The following CSGALNACT1 variants were observed in gnomAD, a reference collection of about 807,000 sequenced individuals.
CSGALNACT1 encodes the protein beta4GalNAcT-1.
A neutral mutation model predicts 51.0 loss-of-function variants in CSGALNACT1; 52 were observed. The ratio of observed to expected loss-of-function variants is 1.02; its 90% CI spans 0.82 to 1.29. CSGALNACT1 has a LOEUF of 1.29. CSGALNACT1 is among the 50% of genes most tolerant of loss of function. CSGALNACT1 has a pLI of 0.00. For synonymous variants in CSGALNACT1, 341 were observed against 254.4 expected (o/e 1.34, Z -3.24); for missense variants, 935 against 679.2 (o/e 1.38, Z -4.19).
intron 3 of CSGALNACT1, among the ~76,000 whole-genome samples, chr8:19,567,912 GT>G (rs2042221083): frequency 3.9e-5 from 6 of 152,166 alleles, no homozygotes; most frequent in Admixed American, 3.9e-4. Context: ...AAAATATAAA[GT>G]ACCTAGAAAT....
intron 1 of CSGALNACT1, among the ~76,000 whole-genome samples, chr8:19,711,999 G>T (rs61393565): frequency 6.6e-6 from 1 of 152,112 alleles, no homozygotes; most frequent in Non-Finnish European, 1.5e-5. Flanking sequence ...ATAATAAGTG[G>T]TGAAGCCGGG....
intron 3 of CSGALNACT1, among the ~76,000 whole-genome samples, chr8:19,580,191 C>A (rs1332827965): frequency 1.3e-5 from 2 of 152,202 alleles, no homozygotes; most frequent in East Asian, 3.8e-4. Context: ...ACTTCCAATG[C>A]AGCCAGAATG....
intron 1 of CSGALNACT1, among the ~76,000 whole-genome samples, chr8:19,740,778 G>C (rs1201282035): frequency 1.3e-5 from 2 of 152,178 alleles, no homozygotes; most frequent in Non-Finnish European, 2.9e-5. Flanking sequence ...GAGGGAGTGG[G>C]AGGTAGGAAG....
intron 3 of CSGALNACT1, among the ~76,000 whole-genome samples, chr8:19,553,372 G>A (rs147591940): frequency 1.4e-4 from 21 of 151,954 alleles, no homozygotes; most frequent in African/African-American, 5.1e-4. Flanking sequence ...TCCAATATGA[G>A]TGAACCAAAA....
At chr8:19,690,837 A>G (rs2061269928) in intron 1 of CSGALNACT1, among the ~76,000 whole-genome samples, 1 of 152,206 alleles carries the variant, frequency 6.6e-6, no homozygotes, top group Non-Finnish European at 1.5e-5. Flanking sequence ...TTTGTTGTTC[A>G]GATGTCTGAG....
intron 1 of CSGALNACT1, among the ~76,000 whole-genome samples, chr8:19,755,456 C>CAAAAAAAAAAGA (rs2065300449): frequency 1.3e-5 from 1 of 74,532 alleles, no homozygotes; most frequent in Non-Finnish European, 2.5e-5. Context: ...TAAAGAAAGA[C>CAAAAAAAAAAGA]AAAAAAAAAA....
intron 3 of CSGALNACT1, among the ~76,000 whole-genome samples, chr8:19,585,950 G>T (rs1202182726): frequency 6.6e-6 from 1 of 152,156 alleles, no homozygotes; most frequent in Admixed American, 6.5e-5. Flanking sequence ...CGATGCCCAG[G>T]CTGGGAACAG....
At chr8:19,697,617 C>T (rs533843409) in intron 1 of CSGALNACT1, among the ~76,000 whole-genome samples, 2 of 152,160 alleles carry the variant, frequency 1.3e-5, no homozygotes, top group South Asian at 2.1e-4. Context: ...AGTGAGTAGC[C>T]CAGAGCCCCC....
At chr8:19,700,142 G>C (rs1412765949) in intron 1 of CSGALNACT1, among the ~76,000 whole-genome samples, 1 of 150,170 alleles carries the variant, frequency 6.7e-6, no homozygotes, top group African/African-American at 2.4e-5. Context: ...AAAAAACTTA[G>C]GTAAGTATTA....
rs533405583 is a variant in CSGALNACT1 at position 19,464,350 on chromosome 8, T to C, written c.635-5708A>G. On this transcript the variant is annotated intron_variant, in intron 4 of 9. Coordinates refer to ENST00000454498, the Ensembl canonical transcript of CSGALNACT1. ...GCACCACTCAAACCCCACATCTCCCTAGCTCAAAGTTCTCGCCAGCATCCC... is the reference window on the plus strand; with the variant it reads ...GCACCACTCAAACCCCACATCTCCCCAGCTCAAAGTTCTCGCCAGCATCCC... Among the ~76,000 whole-genome samples the C allele has an allele frequency of 1.6e-4, 24 of 152,206 alleles. No individual in the cohort carries two copies. In the South Asian group the frequency reaches 4.6e-3, roughly 29 times the overall value.
chr8:19,510,799 A>C (rs547243948), intron 3 of CSGALNACT1, among the ~76,000 whole-genome samples: 1 of 152,378 alleles, frequency 6.6e-6, no homozygotes, highest in South Asian at 2.1e-4. Flanking sequence ...TAAGATATCC[A>C]AGTAGTTACA....
At chr8:19,719,016 G>A (rs1050509008) in intron 1 of CSGALNACT1, among the ~76,000 whole-genome samples, 7 of 151,998 alleles carry the variant, frequency 4.6e-5, no homozygotes, top group African/African-American at 7.3e-5. Context: ...TAGACACTGC[G>A]AACTGTGTAA....
chr8:19,404,903 C>A (rs748939438), exon 10 of CSGALNACT1: 1 of 454,244 alleles, frequency 2.2e-6, no homozygotes, highest in Admixed American at 2.3e-5. Flanking sequence ...AGTATCTGTA[C>A]GTCTGTATTA....
intron 9 of CSGALNACT1, among the ~76,000 whole-genome samples, chr8:19,406,702 C>T (rs1296710910): frequency 6.9e-6 from 1 of 145,258 alleles, no homozygotes; most frequent in Non-Finnish European, 1.5e-5. Context: ...AATGCAGATT[C>T]TTGTGCTTCT....
chr8:19,528,337 G>A (rs1458121830), intron 3 of CSGALNACT1, among the ~76,000 whole-genome samples: 1 of 150,860 alleles, frequency 6.6e-6, no homozygotes, highest in Non-Finnish European at 1.5e-5. Context: ...GTCACGGCAA[G>A]GTCATGTTAT....
Position 19,479,206 on chromosome 8 carries a change from C to T in CSGALNACT1, c.635-20564G>A, listed in dbSNP as rs143895456. On this transcript the variant is annotated intron_variant, in intron 4 of 9. Transcript: ENST00000454498. ...AAGTTGTCTTCTGGGCCCAGGACAC[C>T]GTCTCTTCCCTTATATGAAGCTGGA... Among the ~76,000 whole-genome samples, 8 of 152,298 alleles carry T rather than the reference C, an allele frequency of 5.3e-5. No individual in the cohort carries two copies. In the East Asian group the frequency reaches 1.4e-3, roughly 26 times the overall value.
chr8:19,607,073 T>C (rs907529813), upstream of CSGALNACT1, among the ~76,000 whole-genome samples: 1 of 150,886 alleles, frequency 6.6e-6, no homozygotes, highest in African/African-American at 2.4e-5. Flanking sequence ...GAGAATGGCA[T>C]GAAATCAGGA....
intron 4 of CSGALNACT1, among the ~76,000 whole-genome samples, chr8:19,500,203 C>G (rs4455848): frequency 0.78 from 117,963 of 151,972 alleles, 46,184 homozygotes; most frequent in East Asian, 0.85. Flanking sequence ...TGACAGTAGT[C>G]AGAAGGACCC....
chr8:19,640,578 G>A (rs2056624327), intron 1 of CSGALNACT1, among the ~76,000 whole-genome samples: 1 of 152,152 alleles, frequency 6.6e-6, no homozygotes, highest in African/African-American at 2.4e-5. Flanking sequence ...CACTACATAA[G>A]AAAATAACAA....
Sources: allele counts gnomAD v4.1 joint callset (sites outside exome capture counted in the v4.1 genomes callset), GRCh38; gene constraint gnomAD v4.1.1; transcripts MANE v1.5; gene names NCBI Gene and HGNC (gene_info 2026-07-23, HGNC 2026-07-21).